Variants in IQCJ observed in about 807,000 individuals in gnomAD.
IQCJ encodes the protein IQ domain-containing protein J.
Under a neutral mutation model 11.0 loss-of-function variants are expected in IQCJ, and 9 were observed. The ratio of observed to expected loss-of-function variants is 0.82; its 90% CI spans 0.49 to 1.43. IQCJ has a LOEUF of 1.43. IQCJ is among the 40% of genes most tolerant of loss of function. The pLI is 0.00. For synonymous variants in IQCJ, 55 were observed against 51.3 expected, an observed-to-expected ratio of 1.07 and a Z score of -0.31; for missense variants, 146 against 133.2, an observed-to-expected ratio of 1.10 and a Z score of -0.47.
intron 1 of IQCJ, among the ~76,000 whole-genome samples, chr3:159,240,121 G>A (rs1726831906): frequency 6.6e-6 from 1 of 151,928 alleles, no homozygotes; most frequent in South Asian, 2.1e-4. Context: ...AAATGTGGAG[G>A]CTTATTCTTA....
intron 1 of IQCJ, among the ~76,000 whole-genome samples, chr3:159,184,838 CA>C (rs1723295136): frequency 6.6e-6 from 1 of 152,080 alleles, no homozygotes; most frequent in Admixed American, 6.5e-5. Flanking sequence ...AAGTGTAGTA[CA>C]GGTTTACTAA....
chr3:159,069,846 TGTGTG>T (rs1559972065), intron 1 of IQCJ: 12 of 64,740 alleles, frequency 1.9e-4, no homozygotes, highest in Non-Finnish European at 2.4e-4. Context: ...TCCTTTCTTG[TGTGTG>T]TGTGTGTGTG....
chr3:159,076,472 C>A (rs969437403), intron 1 of IQCJ, among the ~76,000 whole-genome samples: 1 of 152,032 alleles, frequency 6.6e-6, no homozygotes, highest in Non-Finnish European at 1.5e-5. Context: ...ATTTAAAACC[C>A]CTTATATGTC....
chr3:159,241,065 AAAC>A (rs1227902149), intron 1 of IQCJ, among the ~76,000 whole-genome samples: 2 of 152,176 alleles, frequency 1.3e-5, no homozygotes, highest in African/African-American at 4.8e-5. Context: ...CTTGTATAAA[AAAC>A]AACAACAAAA....
At chr3:159,166,106 A>G (rs955780272) in intron 1 of IQCJ, among the ~76,000 whole-genome samples, 3 of 152,084 alleles carry the variant, frequency 2.0e-5, no homozygotes, top group African/African-American at 7.2e-5. Flanking sequence ...GATTCATGCA[A>G]TGCAGGAAGG....
chr3:159,189,854 CT>C (rs1723583074), intron 1 of IQCJ, among the ~76,000 whole-genome samples: 1 of 152,156 alleles, frequency 6.6e-6, no homozygotes, highest in Non-Finnish European at 1.5e-5. Flanking sequence ...CTTCCAAGTC[CT>C]AACTGTTCTT....
chr3:159,153,168 T>C (rs1416958075), intron 1 of IQCJ, among the ~76,000 whole-genome samples: 1 of 152,224 alleles, frequency 6.6e-6, no homozygotes, highest in African/African-American at 2.4e-5. Context: ...GACGGAATTA[T>C]AAAAATTATG....
intron 1 of IQCJ, among the ~76,000 whole-genome samples, chr3:159,139,096 T>G (rs1559999647): frequency 6.6e-6 from 1 of 152,200 alleles, no homozygotes; most frequent in Non-Finnish European, 1.5e-5. Flanking sequence ...TATTCATATC[T>G]TTATAAAATG....
At chr3:159,175,813 T>C (rs1308630100) in intron 1 of IQCJ, among the ~76,000 whole-genome samples, 1 of 152,248 alleles carries the variant, frequency 6.6e-6, no homozygotes, top group Non-Finnish European at 1.5e-5. Context: ...AGTCCTTGTA[T>C]GCACTAGATA....
chr3:159,200,919 G>A (rs1420706851), intron 1 of IQCJ, among the ~76,000 whole-genome samples: 1 of 152,164 alleles, frequency 6.6e-6, no homozygotes, highest in Non-Finnish European at 1.5e-5. Context: ...TGTGTAGTTG[G>A]GGGAGGTGAT....
intron 1 of IQCJ, among the ~76,000 whole-genome samples, chr3:159,137,307 C>T (rs962168312): frequency 2.0e-5 from 3 of 151,652 alleles, no homozygotes; most frequent in Non-Finnish European, 4.4e-5. Context: ...GAAAATCCTT[C>T]ACATGATTCA....
downstream of IQCJ, chr3:159,265,394 CCT>C: frequency 6.2e-7 from 1 of 1,612,346 alleles, no homozygotes; most frequent in Non-Finnish European, 8.5e-7. Context: ...GTTTTCTCAC[CCT>C]CCAGTGAATG....
At chr3:159,209,062 C>T (rs888667646) in intron 1 of IQCJ, among the ~76,000 whole-genome samples, 1 of 152,328 alleles carries the variant, frequency 6.6e-6, no homozygotes, top group Non-Finnish European at 1.5e-5. Flanking sequence ...GAGAAATTCA[C>T]ATCCCTGTTT....
chr3:159,127,306 G>A (rs576020172), intron 1 of IQCJ, among the ~76,000 whole-genome samples: 1 of 152,264 alleles, frequency 6.6e-6, no homozygotes, highest in African/African-American at 2.4e-5. Context: ...GTTGGCAAGG[G>A]CACAGGCTTT....
At chr3:159,168,481 T>A (rs1288876301) in intron 1 of IQCJ, among the ~76,000 whole-genome samples, 1 of 152,160 alleles carries the variant, frequency 6.6e-6, no homozygotes, top group African/African-American at 2.4e-5. Flanking sequence ...TAATTGTGGT[T>A]CCTCCTCCAC....
chr3:159,103,383 C>CATTT (rs1479502061), intron 1 of IQCJ, among the ~76,000 whole-genome samples: 7 of 152,136 alleles, frequency 4.6e-5, no homozygotes, highest in Non-Finnish European at 8.8e-5. Context: ...ATTTGATAGA[C>CATTT]ATTTATAAAG....
At chr3:159,070,348 T>C (rs1209104396) in intron 1 of IQCJ, among the ~76,000 whole-genome samples, 1 of 152,142 alleles carries the variant, frequency 6.6e-6, no homozygotes, top group Non-Finnish European at 1.5e-5. Context: ...GGGTGAGATT[T>C]ACATCCTTGG....
At chr3:159,076,085 A>T (rs568421025) in intron 1 of IQCJ, among the ~76,000 whole-genome samples, 1 of 152,118 alleles carries the variant, frequency 6.6e-6, no homozygotes, top group South Asian at 2.1e-4. Flanking sequence ...CCAGCACCAA[A>T]CCTATTTTTT....
chr3:159,163,930 C>T (rs1239753910), intron 1 of IQCJ, among the ~76,000 whole-genome samples: 5 of 151,892 alleles, frequency 3.3e-5, no homozygotes, highest in African/African-American at 1.2e-4. Context: ...CATTCTCTTT[C>T]ACCATAATTA....
Sources: allele counts gnomAD v4.1 joint callset (sites outside exome capture counted in the v4.1 genomes callset), GRCh38; gene constraint gnomAD v4.1.1; transcripts MANE v1.5; gene names NCBI Gene and HGNC (gene_info 2026-07-23, HGNC 2026-07-21).